ITPR1: variants seen among roughly 807,000 people sequenced by gnomAD.
ITPR1 encodes inositol 1,4,5-trisphosphate-gated calcium channel ITPR1.
ITPR1 carries 96 observed loss-of-function variants against 318.4 expected under a neutral mutation model. The ratio of observed to expected loss-of-function variants is 0.30; its 90% CI spans 0.26 to 0.36. The LOEUF is 0.36. ITPR1 is among the 10% of genes least tolerant of loss of function. The pLI, the probability that ITPR1 is intolerant of heterozygous loss-of-function variation, is 1.00. For missense variants in ITPR1, 2,440 were observed against 3,460.2 expected (o/e 0.71, Z 7.40); for synonymous variants, 1,312 against 1,289.9 (o/e 1.02, Z -0.37).
At chr3:4,733,885 A>G (rs2043100480) in intron 43 of ITPR1, among the ~76,000 whole-genome samples, 1 of 152,234 alleles carries the variant, frequency 6.6e-6, no homozygotes, top group African/African-American at 2.4e-5. Flanking sequence ...ATACAAAAAC[A>G]TGGAACTCAA....
At chr3:4,613,235 C>G (rs1301060475) in intron 4 of ITPR1, among the ~76,000 whole-genome samples, 1 of 152,176 alleles carries the variant, frequency 6.6e-6, no homozygotes, top group East Asian at 1.9e-4. Flanking sequence ...TGTCAGTCTT[C>G]CACTAAATAT....
intron 16 of ITPR1, 150 bp from the exon 17 acceptor site, chr3:4,664,988 C>T (rs1432291654): frequency 2.6e-6 from 2 of 755,276 alleles, no homozygotes; most frequent in Non-Finnish European, 4.5e-6. Context: ...AGTTGATGGG[C>T]TGAATGCAGT....
chr3:4,803,588 T>G (rs1169178140), intron 54 of ITPR1, among the ~76,000 whole-genome samples: 1 of 152,112 alleles, frequency 6.6e-6, no homozygotes, highest in African/African-American at 2.4e-5. Flanking sequence ...GGGAGGGGAA[T>G]GTAGGGATTG....
intron 46 of ITPR1, among the ~76,000 whole-genome samples, chr3:4,769,076 T>C (rs1338866280): frequency 6.6e-6 from 1 of 151,878 alleles, no homozygotes; most frequent in Non-Finnish European, 1.5e-5. Flanking sequence ...ATTTTTGTAT[T>C]TTTAGTAGAG....
chr3:4,722,344 C>T (rs1035225664), intron 40 of ITPR1, among the ~76,000 whole-genome samples: 1 of 152,074 alleles, frequency 6.6e-6, no homozygotes, highest in Non-Finnish European at 1.5e-5. Context: ...ACTGGAGGTG[C>T]CAGCGCCTGA....
rs192320018 is a variant in ITPR1, at chr3:4,789,788, T to G, written c.6808+1649T>G. Among the ~76,000 whole-genome samples, 181 of 152,234 alleles carry G rather than the reference T, an allele frequency of 1.2e-3. 2 individuals carry two copies. Among genetic ancestry groups the G allele is most frequent in the Non-Finnish European group, 1.2e-3 (85 of 68,016 alleles). Reference sequence around the variant, plus strand: ...GCACATGCCACCATGGCTGGCTAATTTTTGTATTTGTAATAGAGATGGGGC... The same window carrying G: ...GCACATGCCACCATGGCTGGCTAATGTTTGTATTTGTAATAGAGATGGGGC... On this transcript the variant is annotated intron_variant, in intron 52 of 61. Transcript: ENST00000649015.
intron 4 of ITPR1, among the ~76,000 whole-genome samples, chr3:4,605,342 C>A (rs2101694): frequency 0.72 from 110,125 of 151,948 alleles, 40,442 homozygotes; most frequent in African/African-American, 0.84. Flanking sequence ...TGGCAACTGA[C>A]TGCAGTACCT....
intron 4 of ITPR1, among the ~76,000 whole-genome samples, chr3:4,595,336 C>T (rs1032372915): frequency 6.6e-5 from 10 of 151,840 alleles, no homozygotes; most frequent in African/African-American, 1.7e-4. Context: ...AGAGTGGGAG[C>T]GAGAGAGAGA....
intron 26 of ITPR1, among the ~76,000 whole-genome samples, chr3:4,682,036 C>T (rs1339220581): frequency 1.3e-5 from 2 of 152,206 alleles, no homozygotes; most frequent in African/African-American, 4.8e-5. Flanking sequence ...AATTAGCACA[C>T]TTGGTTTGAT....
intron 52 of ITPR1, among the ~76,000 whole-genome samples, chr3:4,789,507 A>G (rs1212270417): frequency 6.6e-6 from 1 of 152,202 alleles, no homozygotes; most frequent in Non-Finnish European, 1.5e-5. Context: ...TTTTCTAGCT[A>G]TTATGTTACA....
chr3:4,566,940 C>T (rs760354150), intron 4 of ITPR1, among the ~76,000 whole-genome samples: 4 of 152,186 alleles, frequency 2.6e-5, no homozygotes, highest in Non-Finnish European at 4.4e-5. Flanking sequence ...AGTCTTTCTC[C>T]TAGCTGTGTA....
intron 52 of ITPR1, among the ~76,000 whole-genome samples, chr3:4,788,589 GT>G: frequency 6.6e-6 from 1 of 152,270 alleles, no homozygotes; most frequent in South Asian, 2.1e-4. Context: ...AGACTAAATC[GT>G]TTTACAGGCA....
intron 46 of ITPR1, among the ~76,000 whole-genome samples, chr3:4,773,667 C>G (rs1053153665): frequency 1.3e-5 from 2 of 152,202 alleles, no homozygotes; most frequent in Non-Finnish European, 2.9e-5. Flanking sequence ...AAACACTCCT[C>G]CAGCGCCCCT....
chr3:4,806,252 C>G lies in ITPR1; in HGVS notation c.7257C>G (p.Phe2419Leu). The G allele has an allele frequency of 6.2e-7, 1 of 1,613,968 alleles. No homozygotes were observed. The highest frequency in any genetic ancestry group is 8.5e-7 in the Non-Finnish European group (1 of 1,179,834). The change falls in exon 55 of 62, where the codon TTC becomes TTG. Residue 2419 changes from phenylalanine (F) to leucine (L), a missense_variant. Around this residue, in one of 23 missense-constraint regions of ITPR1, gnomAD observed 126 missense variants for 150.8 expected, o/e 0.84. Transcript: ENST00000649015. ...ICAMGLFVHE[F>L]FYSLLLFDLV... Reference sequence around the variant, plus strand: ...CCATGGGGCTCTTTGTCCATGAATTCTTCTACAGTCTGCTGGTGAGTACCT... The same window carrying G: ...CCATGGGGCTCTTTGTCCATGAATTGTTCTACAGTCTGCTGGTGAGTACCT...
At chr3:4,781,447 T>G (rs578133965) in intron 49 of ITPR1, among the ~76,000 whole-genome samples, 99 of 152,142 alleles carry the variant, frequency 6.5e-4, no homozygotes, top group Non-Finnish European at 1.2e-3. Flanking sequence ...GATTCAGATA[T>G]GAGCAGACCC....
chr3:4,841,626 C>A (rs1290739262), intron 61 of ITPR1, among the ~76,000 whole-genome samples: 1 of 152,128 alleles, frequency 6.6e-6, no homozygotes, highest in Non-Finnish European at 1.5e-5. Flanking sequence ...GAGTGTGTAA[C>A]CGAGCTGTGA....
rs1370934243 is a variant in ITPR1, at chr3:4,656,272, A to G, written c.997-1852A>G. On this transcript the variant is annotated intron_variant, in intron 12 of 61. Transcript: ENST00000649015. ...AATTGTGATTTTCCTCTCAACTCCC[A>G]CAGGTCTCTGAAACTTAACTGCCAG... Among the ~76,000 whole-genome samples, 5 of 152,214 alleles carry G rather than the reference A, an allele frequency of 3.3e-5. No individual in the cohort carries two copies. The South Asian group carries it at 8.3e-4, about 25-fold the overall frequency.
intron 52 of ITPR1, among the ~76,000 whole-genome samples, chr3:4,794,687 G>A (rs1430387979): frequency 2.0e-5 from 3 of 151,882 alleles, no homozygotes; most frequent in South Asian, 2.1e-4. Flanking sequence ...GGGTCTCTCC[G>A]GGCATCTCAT....
intron 2 of ITPR1, among the ~76,000 whole-genome samples, chr3:4,505,934 A>T (rs1035259121): frequency 2.6e-5 from 4 of 152,246 alleles, no homozygotes; most frequent in African/African-American, 9.6e-5. Context: ...TCTGCTGATT[A>T]TAAGCCTAAG....
Sources: gnomAD v4.1 joint callset for allele counts (sites outside exome capture counted in the v4.1 genomes callset) on GRCh38, gnomAD v4.1.1 for gene constraint, gnomAD v4.1.1 regional missense constraint, MANE v1.5 for transcripts, NCBI Gene and HGNC (gene_info 2026-07-23, HGNC 2026-07-21) for gene names.